PTPRT: variants seen among roughly 807,000 people sequenced by gnomAD.
PTPRT encodes protein tyrosine phosphatase receptor type T.
Under a neutral mutation model 176.8 loss-of-function variants are expected in PTPRT, and 56 were observed. The ratio of observed to expected loss-of-function variants is 0.32; its 90% CI spans 0.26 to 0.40. The LOEUF (loss-of-function observed/expected upper bound fraction) is 0.40, where lower values mean the gene tolerates loss of function less well. PTPRT is among the 10% of genes least tolerant of loss of function. PTPRT has a pLI of 1.00. For synonymous variants in PTPRT, 783 were observed against 739.0 expected, an observed-to-expected ratio of 1.06 and a Z score of -0.96; for missense variants, 1,540 against 1,908.2, an observed-to-expected ratio of 0.81 and a Z score of 3.60.
chr20:42,630,040 A>G (rs1474141055), intron 7 of PTPRT, among the ~76,000 whole-genome samples: 1 of 152,208 alleles, frequency 6.6e-6, no homozygotes, highest in Admixed American at 6.5e-5. Context: ...ATTAAGCTAA[A>G]GATCTTGAGA....
chr20:42,423,608 G>C (rs1370052829), intron 9 of PTPRT, among the ~76,000 whole-genome samples: 1 of 152,182 alleles, frequency 6.6e-6, no homozygotes, highest in African/African-American at 2.4e-5. Flanking sequence ...ACATCAGGGG[G>C]TTGTGCTGTT....
At chr20:42,813,408 CT>C (rs1426555213) in intron 2 of PTPRT, among the ~76,000 whole-genome samples, 9 of 151,510 alleles carry the variant, frequency 5.9e-5, no homozygotes, top group African/African-American at 1.9e-4. Context: ...TCCTTGCCCC[CT>C]CCCTTCCTCT....
At chr20:43,060,576 G>A (rs776613701) in intron 1 of PTPRT, among the ~76,000 whole-genome samples, 7 of 152,074 alleles carry the variant, frequency 4.6e-5, no homozygotes, top group Non-Finnish European at 5.9e-5. Context: ...TTTTTAATTC[G>A]GCTTTATTAT....
chr20:42,783,342 C>CT (rs1307613684), intron 3 of PTPRT, among the ~76,000 whole-genome samples: 1 of 150,904 alleles, frequency 6.6e-6, no homozygotes, highest in Non-Finnish European at 1.5e-5. Flanking sequence ...TGAAAATATC[C>CT]TTTTTTATGT....
intron 6 of PTPRT, among the ~76,000 whole-genome samples, chr20:42,726,866 A>G (rs2076388844): frequency 6.6e-6 from 1 of 152,180 alleles, no homozygotes; most frequent in East Asian, 1.9e-4. Flanking sequence ...TTTGTGTGTG[A>G]GCAGGGAGAG....
At chr20:42,636,237 G>A (rs138477177) in intron 7 of PTPRT, among the ~76,000 whole-genome samples, 2 of 152,070 alleles carry the variant, frequency 1.3e-5, no homozygotes, top group Middle Eastern at 3.4e-3. Context: ...AAGTGGGTAG[G>A]GACTGAGCCA....
At chr20:42,976,348 T>C (rs1481810486) in intron 1 of PTPRT, among the ~76,000 whole-genome samples, 1 of 152,098 alleles carries the variant, frequency 6.6e-6, no homozygotes, top group Admixed American at 6.5e-5. Context: ...CTTAAAATCC[T>C]AGAAAGAACA....
intron 1 of PTPRT, among the ~76,000 whole-genome samples, chr20:43,073,557 T>C (rs898875122): frequency 1.3e-5 from 2 of 151,718 alleles, no homozygotes; most frequent in Non-Finnish European, 2.9e-5. Context: ...GTGTTTTTTA[T>C]ATATATAAAT....
intron 1 of PTPRT, among the ~76,000 whole-genome samples, chr20:43,058,988 G>A (rs966197898): frequency 6.6e-6 from 1 of 152,112 alleles, no homozygotes; most frequent in Non-Finnish European, 1.5e-5. Flanking sequence ...AATGTGAGGT[G>A]GCGCCAGGTA....
intron 14 of PTPRT, among the ~76,000 whole-genome samples, chr20:42,244,883 A>C (rs191348808): frequency 1.3e-3 from 192 of 152,348 alleles, no homozygotes; most frequent in African/African-American, 4.3e-3. Flanking sequence ...ACAGTGCCCC[A>C]TGGTATTAAG....
At chr20:42,879,188 A>G (rs1182093811) in intron 2 of PTPRT, among the ~76,000 whole-genome samples, 1 of 152,178 alleles carries the variant, frequency 6.6e-6, no homozygotes, top group African/African-American at 2.4e-5. Context: ...AATTACCATG[A>G]GCTGGGTGGC....
intron 1 of PTPRT, among the ~76,000 whole-genome samples, chr20:42,961,592 G>C (rs967448416): frequency 8.5e-5 from 13 of 152,174 alleles, no homozygotes; most frequent in African/African-American, 2.7e-4. Flanking sequence ...CACTCCTTTA[G>C]GGCAGGGGAG....
rs1223415816 is a variant in PTPRT at position 42,076,762 on chromosome 20, T to A, written c.*4117A>T. 1 of 201,802 alleles carries A rather than the reference T, an allele frequency of 5.0e-6. No individual in the cohort carries two copies. The highest frequency in any genetic ancestry group is 7.6e-5 in the East Asian group (1 of 13,108). The allele number at this position is 201,802 out of a possible 1,614,324, so 12.5% of individuals were successfully genotyped here. On this transcript the variant is annotated 3_prime_UTR_variant, in exon 31 of 31. Coordinates refer to ENST00000373187, the MANE Select transcript of PTPRT (RefSeq NM_007050.6). ...TTTTTTTGAAATATTCATAGAGTCATATTAAAACCAACAAGGCTAAATCAG... is the reference window on the plus strand; with the variant it reads ...TTTTTTTGAAATATTCATAGAGTCAAATTAAAACCAACAAGGCTAAATCAG...
chr20:42,698,028 A>G (rs1455518568), intron 6 of PTPRT, among the ~76,000 whole-genome samples: 2 of 152,216 alleles, frequency 1.3e-5, no homozygotes, highest in Admixed American at 6.5e-5. Flanking sequence ...TAATCGTATC[A>G]TTCCTATAGA....
chr20:42,676,743 G>GA (rs1430966269), intron 7 of PTPRT, among the ~76,000 whole-genome samples: 1 of 151,996 alleles, frequency 6.6e-6, no homozygotes, highest in Non-Finnish European at 1.5e-5. Context: ...TACTTGGTGT[G>GA]AAAAAAAGAT....
chr20:42,829,940 T>C (rs972515299), intron 2 of PTPRT, among the ~76,000 whole-genome samples: 2 of 152,084 alleles, frequency 1.3e-5, no homozygotes, highest in African/African-American at 4.8e-5. Context: ...AGCTCTGAAA[T>C]TGAATTGGTA....
At chr20:42,226,955 T>C (rs546317887) in intron 15 of PTPRT, among the ~76,000 whole-genome samples, 1 of 152,186 alleles carries the variant, frequency 6.6e-6, no homozygotes, top group African/African-American at 2.4e-5. Context: ...TTATGTATTA[T>C]CAGTGGGCAA....
At chr20:42,674,928 AG>A (rs1022274603) in intron 7 of PTPRT, among the ~76,000 whole-genome samples, 3 of 146,720 alleles carry the variant, frequency 2.0e-5, no homozygotes, top group African/African-American at 8.3e-5. Flanking sequence ...AATATATGAA[AG>A]GGCAATTTGA....
chr20:42,115,382 G>A, intron 21 of PTPRT, 67 bp from the exon 22 acceptor site: 2 of 1,209,934 alleles, frequency 1.7e-6, no homozygotes, highest in South Asian at 1.2e-5. Context: ...ACATGGCTGA[G>A]TGTGAGCAGC....
Sources: gnomAD v4.1 joint callset for allele counts (sites outside exome capture counted in the v4.1 genomes callset) on GRCh38, gnomAD v4.1.1 for gene constraint, MANE v1.5 for transcripts, NCBI Gene and HGNC (gene_info 2026-07-23, HGNC 2026-07-21) for gene names.